Variants in TCTN3 observed in about 807,000 individuals in gnomAD.
TCTN3 encodes the protein tectonic family member 3, also known as tectonic-3.
A neutral mutation model predicts 71.3 loss-of-function variants in TCTN3; 57 were observed. The observed-to-expected ratio is 0.80, with a 90% CI of 0.65 to 1.00. TCTN3 has a LOEUF of 1.00. TCTN3 is among the 50% of genes least tolerant of loss of function. The probability of loss-of-function intolerance (pLI) is 0.00; values close to 1 mark genes in which losing one functional copy is unlikely to be tolerated. For missense variants in TCTN3, 696 were observed against 719.9 expected, an observed-to-expected ratio of 0.97 and a Z score of 0.38; for synonymous variants, 258 against 267.8, an observed-to-expected ratio of 0.96 and a Z score of 0.36.
chr10:95,671,538 A>G (rs951932062), intron 13 of TCTN3, among the ~76,000 whole-genome samples: 3 of 152,254 alleles, frequency 2.0e-5, no homozygotes, highest in African/African-American at 7.2e-5. Context: ...TACCCTACGT[A>G]AAATCAGTAC....
intron 13 of TCTN3, among the ~76,000 whole-genome samples, chr10:95,671,317 C>T (rs1429759629): frequency 6.6e-6 from 1 of 152,124 alleles, no homozygotes; most frequent in Non-Finnish European, 1.5e-5. Context: ...AAGAAATTAC[C>T]ACCAGCAATT....
chr10:95,683,058 T>C, intron 11 of TCTN3, 43 bp downstream of exon 11: 1 of 1,541,712 alleles, frequency 6.5e-7, no homozygotes, highest in East Asian at 2.2e-5. Flanking sequence ...ATTCCCTACA[T>C]ATTCCCGAAA....
chr10:95,692,776 TTG>T, intron 3 of TCTN3, 142 bp downstream of exon 3: 2 of 627,018 alleles, frequency 3.2e-6, no homozygotes, highest in Non-Finnish European at 5.5e-6. Flanking sequence ...TGCTTTTTTT[TTG>T]TTGTTGTTTT....
At chr10:95,679,351 C>T (rs2097940488) in intron 13 of TCTN3, among the ~76,000 whole-genome samples, 2 of 152,146 alleles carry the variant, frequency 1.3e-5, no homozygotes, top group East Asian at 3.8e-4. Flanking sequence ...TTCTGGTAAC[C>T]TGAGTGTTGA....
intron 3 of TCTN3, among the ~76,000 whole-genome samples, chr10:95,692,601 A>G (rs2097954557): frequency 6.6e-6 from 1 of 152,166 alleles, no homozygotes; most frequent in Non-Finnish European, 1.5e-5. Flanking sequence ...AAAGTTTAAA[A>G]AAAAGAAATG....
At chr10:95,679,583 CTTTTTTTTTTT>C (rs201828119) in intron 13 of TCTN3, among the ~76,000 whole-genome samples, 10 of 96,450 alleles carry the variant, frequency 1.0e-4, no homozygotes, top group Middle Eastern at 5.1e-3. Flanking sequence ...CTAGTCATTT[CTTTTTTTTTTT>C]TTTTTTTTTT....
At chr10:95,666,240 CTTTT>C (rs35125356) in intron 13 of TCTN3, among the ~76,000 whole-genome samples, 1 of 138,228 alleles carries the variant, frequency 7.2e-6, no homozygotes. Context: ...CATGCCCAGC[CTTTT>C]TTTTTTTTTT....
At position 95,664,046 on chromosome 10, in the gene TCTN3, A is replaced by C. The variant is rs749891070; in HGVS notation, c.*21T>G. The C allele has an allele frequency of 2.5e-6, 4 of 1,609,036 alleles. No homozygotes were observed. The African/African-American group carries it at 5.4e-5, about 22-fold the overall frequency. On this transcript the variant is annotated 3_prime_UTR_variant, in exon 14 of 14. Coordinates refer to ENST00000371217, the MANE Select transcript of TCTN3 (RefSeq NM_015631.6). ...CAGAGTTTCTCATAGGGAAAACTGA[A>C]ATCTGATTATTTTCTTTTCTTCACA...
chr10:95,664,230 TG>T lies in TCTN3; in HGVS notation c.1660del (p.Gln554SerfsTer51), dbSNP rs1187879461. ...CATTTTGGGTTGGCCCCTTGGAGGC[TG>T]TGGCTTCTGGGTAATGTCCACAAAG... ...VNFVDITQKP[Q>X]PPRGQPKMDW... On this transcript the variant is annotated frameshift_variant, in exon 14 of 14. Transcript: ENST00000371217. LOFTEE classifies it high-confidence loss of function. 2 of 1,614,096 alleles carry T rather than the reference TG, an allele frequency of 1.2e-6. No individual in the cohort carries two copies. Among genetic ancestry groups the T allele is most frequent in the Non-Finnish European group, 1.7e-6 (2 of 1,180,050 alleles).
chr10:95,676,365 A>G (rs1170573219), intron 13 of TCTN3, among the ~76,000 whole-genome samples: 1 of 150,238 alleles, frequency 6.7e-6, no homozygotes, highest in Non-Finnish European at 1.5e-5. Context: ...AGTAATTTCC[A>G]GGTAATTTTT....
intron 13 of TCTN3, among the ~76,000 whole-genome samples, chr10:95,665,716 A>G (rs1265905828): frequency 6.6e-6 from 1 of 152,188 alleles, no homozygotes; most frequent in African/African-American, 2.4e-5. Context: ...TCTCTGATGC[A>G]TAATATGTGC....
Position 95,684,631 on chromosome 10 carries a change from T to A in TCTN3, c.970-7A>T, listed in dbSNP as rs1015972740. The A allele has an allele frequency of 1.2e-6, 2 of 1,611,418 alleles. No homozygotes were observed. The highest frequency in any genetic ancestry group is 1.3e-5 in the African/African-American group (1 of 74,696). On this transcript the variant is annotated splice_polypyrimidine_tract_variant and splice_region_variant and intron_variant, in intron 8 of 13. Coordinates refer to ENST00000371217, the MANE Select transcript of TCTN3 (RefSeq NM_015631.6). ...TCTCTATCTCATAGGTGACCTGAAA[T>A]GCAAAAAGAATCAATTAATAAAAAG...
intron 13 of TCTN3, among the ~76,000 whole-genome samples, chr10:95,670,175 TTTA>T (rs2097929602): frequency 6.6e-6 from 1 of 152,138 alleles, no homozygotes. Flanking sequence ...AATTCATGTA[TTTA>T]TTAACAAATG....
At chr10:95,684,909 AG>A (rs2097946804) in intron 8 of TCTN3, among the ~76,000 whole-genome samples, 1 of 152,196 alleles carries the variant, frequency 6.6e-6, no homozygotes, top group Non-Finnish European at 1.5e-5. Flanking sequence ...CGGACAGAGG[AG>A]GGCAAGTAGA....
chr10:95,687,396 G>A, intron 4 of TCTN3, 41 bp from the exon 5 acceptor site: 1 of 1,555,806 alleles, frequency 6.4e-7, no homozygotes, highest in Non-Finnish European at 8.7e-7. Flanking sequence ...CAGTGAGACT[G>A]GACTAAACTA....
chr10:95,674,990 G>A (rs1454910040), intron 13 of TCTN3, among the ~76,000 whole-genome samples: 1 of 152,092 alleles, frequency 6.6e-6, no homozygotes, highest in Non-Finnish European at 1.5e-5. Context: ...TTTTAAAGAT[G>A]TCAATGAAGT....
chr10:95,689,183 T>C (rs973562854), intron 3 of TCTN3, among the ~76,000 whole-genome samples: 35 of 152,296 alleles, frequency 2.3e-4, no homozygotes, highest in Admixed American at 3.3e-4. Context: ...ATCCTTCTTA[T>C]TCAAAGTGGG....
intron 13 of TCTN3, among the ~76,000 whole-genome samples, chr10:95,672,324 T>C (rs576507738): frequency 6.6e-6 from 1 of 152,294 alleles, no homozygotes; most frequent in East Asian, 1.9e-4. Flanking sequence ...ATTTGGGTTG[T>C]TTCCAGTTTT....
rs913092788 is a variant in TCTN3, at chr10:95,693,678, C to T, written c.222G>A (p.Ser74=). The change falls in exon 1 of 14, where the codon TCG becomes TCA. Residue 74 remains serine (S), a synonymous_variant. Coordinates refer to ENST00000371217, the MANE Select transcript of TCTN3 (RefSeq NM_015631.6). ...GGTCCACAGTCCTATTCCCAGGGGC[C>T]GAGGGAGTCACGAGAGTAGGGACCA... ...PTVVPTLVTP[S]APGNRTVDLF... 7 of 1,551,566 alleles carry T rather than the reference C, an allele frequency of 4.5e-6. No individual in the cohort carries two copies. Among genetic ancestry groups the T allele is most frequent in the Non-Finnish European group, 6.1e-6 (7 of 1,147,002 alleles).
Sources: gnomAD v4.1 joint callset for allele counts (sites outside exome capture counted in the v4.1 genomes callset) on GRCh38, gnomAD v4.1.1 for gene constraint, MANE v1.5 for transcripts, NCBI Gene and HGNC (gene_info 2026-07-23, HGNC 2026-07-21) for gene names.